The following TENM3 variants were observed in gnomAD, a reference collection of about 807,000 sequenced individuals.
The protein encoded by TENM3 is teneurin transmembrane protein 3, also known as teneurin-3.
Under a neutral mutation model 255.1 loss-of-function variants are expected in TENM3, and 63 were observed. The observed-to-expected ratio is 0.25, with a 90% CI of 0.20 to 0.30. TENM3 has a LOEUF of 0.30. TENM3 is among the 10% of genes least tolerant of loss of function. The pLI is 1.00. For missense variants in TENM3, 2,929 were observed against 3,461.1 expected (o/e 0.85, Z 3.86); for synonymous variants, 1,306 against 1,322.3 (o/e 0.99, Z 0.27).
the TENM3 span, among the ~76,000 whole-genome samples, chr4:181,788,806 C>A: frequency 1.3e-5 from 2 of 152,176 alleles, no homozygotes; most frequent in African/African-American, 4.8e-5. Context: ...CTATGTTGCC[C>A]AGGCTGGTCT....
intron 3 of TENM3, among the ~76,000 whole-genome samples, chr4:182,376,316 T>A (rs1354268429): frequency 6.6e-6 from 1 of 152,166 alleles, no homozygotes; most frequent in Non-Finnish European, 1.5e-5. Flanking sequence ...ATAAACAGAG[T>A]ATAATTGAAT....
the TENM3 span, among the ~76,000 whole-genome samples, chr4:181,475,141 G>A: frequency 3.5e-3 from 537 of 152,180 alleles, 3 homozygotes; most frequent in African/African-American, 0.012. Flanking sequence ...ACAGGCATCC[G>A]CTTATCTCTG....
intron 1 of TENM3, among the ~76,000 whole-genome samples, chr4:182,305,922 A>G (rs984619581): frequency 5.9e-5 from 9 of 152,088 alleles, no homozygotes; most frequent in Non-Finnish European, 1.2e-4. Context: ...ATTGTTATTA[A>G]CACCCTGAAT....
the TENM3 span, among the ~76,000 whole-genome samples, chr4:181,732,977 T>C: frequency 1.3e-5 from 2 of 152,218 alleles, no homozygotes; most frequent in Non-Finnish European, 2.9e-5. Context: ...CCATTATTTA[T>C]TGAGAAGGAA....
intron 3 of TENM3, among the ~76,000 whole-genome samples, chr4:182,494,123 A>G (rs1189304656): frequency 1.3e-5 from 2 of 152,184 alleles, no homozygotes; most frequent in Non-Finnish European, 2.9e-5. Flanking sequence ...ATGAAAAAAG[A>G]GTAAATACCT....
the TENM3 span, among the ~76,000 whole-genome samples, chr4:181,559,203 T>TTTAAAATGTG: frequency 6.6e-6 from 1 of 152,164 alleles, no homozygotes; most frequent in African/African-American, 2.4e-5. Flanking sequence ...AACATAAGGA[T>TTTAAAATGTG]TTAAAATGTG....
the TENM3 span, among the ~76,000 whole-genome samples, chr4:181,638,878 G>A: frequency 2.6e-5 from 4 of 152,084 alleles, no homozygotes; most frequent in Non-Finnish European, 4.4e-5. Context: ...TAACACATCC[G>A]TGTATTAATA....
intron 3 of TENM3, among the ~76,000 whole-genome samples, chr4:182,381,442 G>A (rs1012543987): frequency 2.6e-4 from 39 of 152,268 alleles, no homozygotes; most frequent in African/African-American, 9.1e-4. Flanking sequence ...TGATTTTGGA[G>A]AAAAATAAGA....
At chr4:181,663,669 G>A in the TENM3 span, among the ~76,000 whole-genome samples, 1 of 152,186 alleles carries the variant, frequency 6.6e-6, no homozygotes, top group Non-Finnish European at 1.5e-5. Flanking sequence ...ATTAAAGGAA[G>A]GAGTTTTTCT....
chr4:182,297,648 A>G (rs926930107), intron 1 of TENM3, among the ~76,000 whole-genome samples: 1 of 152,202 alleles, frequency 6.6e-6, no homozygotes, highest in Non-Finnish European at 1.5e-5. Flanking sequence ...TACTAAGAAT[A>G]GCTCCTGTAG....
At chr4:181,941,802 C>A in the TENM3 span, among the ~76,000 whole-genome samples, 12 of 152,280 alleles carry the variant, frequency 7.9e-5, no homozygotes, top group East Asian at 9.7e-4. Flanking sequence ...TTTACCTTTT[C>A]TTTCCCTGCC....
Position 182,789,298 on chromosome 4 carries a change from C to A in TENM3, c.5510C>A (p.Thr1837Asn), listed in dbSNP as rs751164674. The A allele has an allele frequency of 1.2e-6, 2 of 1,613,722 alleles. No individual in the cohort carries two copies. Among genetic ancestry groups the A allele is most frequent in the African/African-American group, 2.7e-5 (2 of 74,922 alleles). The change falls in exon 25 of 28, where the codon ACT becomes AAT. Residue 1837 changes from threonine (T) to asparagine (N), a missense_variant. By Grantham distance (65) the Thr-to-Asn change is moderately conservative (BLOSUM62 0). Transcript: ENST00000511685. The surrounding 1 kb of genome is among the most constrained non-coding windows in gnomAD (Gnocchi z 4.4). ...GQIASIQRGT[T>N]SEKVDYDGQG... is the part of the protein sequence containing the mutation. The stretch of plus-strand genomic sequence containing the variant: ...ATTGCCAGCATCCAGCGAGGCACCA[C>A]TAGCGAGAAAGTAGATTATGACGGA...
At chr4:181,879,074 C>G in the TENM3 span, among the ~76,000 whole-genome samples, 2,634 of 152,254 alleles carry the variant, frequency 0.017, 23 homozygotes, top group Non-Finnish European at 0.028. Flanking sequence ...CTCCATGATA[C>G]TGTGTGTGTT....
intron 1 of TENM3, among the ~76,000 whole-genome samples, chr4:182,296,610 C>T (rs973505177): frequency 3.3e-5 from 5 of 152,192 alleles, no homozygotes; most frequent in Non-Finnish European, 5.9e-5. Flanking sequence ...AAATCAAGCT[C>T]AGAGACCTCC....
intron 3 of TENM3, among the ~76,000 whole-genome samples, chr4:182,388,852 A>G (rs1326201475): frequency 7.9e-5 from 12 of 152,194 alleles, no homozygotes; most frequent in South Asian, 2.1e-4. Context: ...ATCTATGACC[A>G]AAAGTTGTTG....
chr4:181,625,036 C>T, the TENM3 span, among the ~76,000 whole-genome samples: 1 of 151,990 alleles, frequency 6.6e-6, no homozygotes, highest in African/African-American at 2.4e-5. Context: ...GCTAATATGT[C>T]ATACAACTTC....
chr4:182,370,940 T>C (rs1248734005), intron 3 of TENM3, among the ~76,000 whole-genome samples: 1 of 152,152 alleles, frequency 6.6e-6, no homozygotes, highest in African/African-American at 2.4e-5. Flanking sequence ...TCATGGTTTT[T>C]CTGAATTTGC....
the TENM3 span, among the ~76,000 whole-genome samples, chr4:181,868,824 C>T: frequency 2.0e-5 from 3 of 152,010 alleles, no homozygotes; most frequent in Non-Finnish European, 2.9e-5. Context: ...AAAATAGGGT[C>T]GCATTTCTTT....
At chr4:182,205,454 T>C (rs1175531366) in intron 1 of TENM3, among the ~76,000 whole-genome samples, 2 of 152,204 alleles carry the variant, frequency 1.3e-5, no homozygotes, top group Non-Finnish European at 2.9e-5. Flanking sequence ...CCCAGCACAC[T>C]GGCCTCAGGG....
Sources: allele counts gnomAD v4.1 joint callset (sites outside exome capture counted in the v4.1 genomes callset), GRCh38; gene constraint gnomAD v4.1.1; non-coding constraint Gnocchi (gnomAD v3.1); transcripts MANE v1.5; gene names NCBI Gene and HGNC (gene_info 2026-07-23, HGNC 2026-07-21).